UNC13B: variants seen among roughly 807,000 people sequenced by gnomAD.
The protein encoded by UNC13B is unc-13 homolog B, also known as protein unc-13 homolog B.
UNC13B carries 144 observed loss-of-function variants against 211.0 expected under a neutral mutation model. The observed-to-expected ratio is 0.68, with a 90% CI of 0.60 to 0.78. The LOEUF (loss-of-function observed/expected upper bound fraction) is 0.78, where lower values mean the gene tolerates loss of function less well. Ranked by LOEUF, UNC13B falls within the 30% of genes least tolerant of loss-of-function variation. The pLI is 0.00. For synonymous variants in UNC13B, 709 were observed against 725.8 expected (o/e 0.98, Z 0.37); for missense variants, 1,777 against 2,002.0 (o/e 0.89, Z 2.14).
rs180930223 is a variant in UNC13B, at chr9:35,261,738, C to T, written c.526+2688C>T. 9.9e-5 allele frequency among the ~76,000 whole-genome samples: 15 copies of T among 152,064 alleles called. No homozygotes were observed. The East Asian group carries it at 1.7e-3, about 18-fold the overall frequency. On this transcript the variant is annotated intron_variant, in intron 7 of 39. Coordinates refer to ENST00000635942, the MANE Select transcript of UNC13B (RefSeq NM_001371189.2). ...CTCATTCTAGATAACTATTTTTGTA[C>T]GCATTAACCGTCCCTAATCTCCTCT... is the stretch of plus-strand genomic sequence containing the variant.
At chr9:35,386,938 A>G (rs1270336267) in intron 24 of UNC13B, among the ~76,000 whole-genome samples, 1 of 152,162 alleles carries the variant, frequency 6.6e-6, no homozygotes, top group Admixed American at 6.5e-5. Context: ...ACTTACTTCT[A>G]GCTCCAATTA....
At position 35,304,531 on chromosome 9, in the gene UNC13B, A is replaced by C; in HGVS notation, c.5127A>C (p.Ser1709=). The part of the protein sequence containing the change: ...RDKNQPLAED[S]SVHLSSFHWL... ...AAAACCAGCCTCTAGCTGAAGATTC[A>C]TCAGTTCACCTTTCCAGTTTCCATT... The change falls in exon 9 of 40, where the codon TCA becomes TCC. Residue 1709 remains serine, a synonymous_variant. Coordinates refer to ENST00000635942, the MANE Select transcript of UNC13B (RefSeq NM_001371189.2). 2.5e-6 allele frequency: 1 copy of C among 398,774 alleles called. No individual in the cohort carries two copies. Among genetic ancestry groups the C allele is most frequent in the Non-Finnish European group, 4.4e-6 (1 of 225,914 alleles). The allele number at this position is 398,774 out of a possible 1,614,324, so 24.7% of individuals were successfully genotyped here.
intron 1 of UNC13B, among the ~76,000 whole-genome samples, chr9:35,168,202 G>T (rs1042825433): frequency 2.6e-5 from 4 of 152,144 alleles, no homozygotes; most frequent in Non-Finnish European, 4.4e-5. Context: ...ACAGGTGTGA[G>T]CCACTGCACC....
At chr9:35,241,586 CA>C (rs1825813939) in intron 5 of UNC13B, among the ~76,000 whole-genome samples, 2 of 146,900 alleles carry the variant, frequency 1.4e-5, no homozygotes, top group African/African-American at 4.9e-5. Context: ...CACACACACA[CA>C]CACACACACC....
chr9:35,353,702 A>C (rs1188792705), intron 11 of UNC13B: 1 of 1,232,080 alleles, frequency 8.1e-7, no homozygotes, highest in African/African-American at 1.6e-5. Context: ...CAACAAGTGC[A>C]TCAACAATTT....
At chr9:35,276,817 G>T (rs545151157) in intron 7 of UNC13B, among the ~76,000 whole-genome samples, 2 of 152,080 alleles carry the variant, frequency 1.3e-5, no homozygotes, top group East Asian at 1.9e-4. Context: ...TAATTATGCG[G>T]TGTCTTTCAA....
chr9:35,379,399 A>G (rs1834666115), intron 17 of UNC13B, among the ~76,000 whole-genome samples: 1 of 152,156 alleles, frequency 6.6e-6, no homozygotes, highest in Non-Finnish European at 1.5e-5. Flanking sequence ...CAGTGCACCA[A>G]GATCATGCCA....
At chr9:35,337,189 C>T (rs1489397657) in intron 11 of UNC13B, among the ~76,000 whole-genome samples, 3 of 151,556 alleles carry the variant, frequency 2.0e-5, no homozygotes, top group South Asian at 2.1e-4. Context: ...TTGTGCATCA[C>T]GGATCAAGGG....
At chr9:35,389,525 C>T (rs899565644) in intron 24 of UNC13B, among the ~76,000 whole-genome samples, 21 of 152,266 alleles carry the variant, frequency 1.4e-4, no homozygotes, top group African/African-American at 4.8e-4. Context: ...GCTGGAGGGG[C>T]TGTTTCCTTT....
Position 35,396,597 on chromosome 9 carries a change from C to T in UNC13B, c.11430C>T (p.Tyr3810=), listed in dbSNP as rs1468373516. ...TCCTCCAGGGGCAGGTGCCTGAGTA[C>T]CCAGCGTGAGTCATCATGTGGGCAC... ...LPVLQGQVPE[Y]PAWFEQFVLQ... is the part of the protein sequence containing the mutation. The change falls in exon 27 of 40, where the codon TAC becomes TAT. Residue 3810 remains tyrosine (Y), a synonymous_variant. Transcript: ENST00000635942. 3.1e-6 allele frequency: 5 copies of T among 1,613,910 alleles called. No homozygotes were observed. Among genetic ancestry groups the T allele is most frequent in the Non-Finnish European group, 3.4e-6 (4 of 1,179,986 alleles).
Position 35,303,280 on chromosome 9 carries a change from T to C in UNC13B, c.3876T>C (p.Leu1292=), listed in dbSNP as rs1254188965. 8 of 398,360 alleles carry C rather than the reference T, an allele frequency of 2.0e-5. No homozygotes were observed. The East Asian group carries it at 2.8e-4, about 14-fold the overall frequency. The allele number at this position is 398,360 out of a possible 1,614,324, so 24.7% of individuals were successfully genotyped here. A position where few individuals can be genotyped will look rare whatever the true frequency, so the allele number is the denominator to read the frequency against. Residue 1292 remains leucine, a synonymous_variant, in exon 9 of 40, where the codon CTT becomes CTC. Coordinates refer to ENST00000635942, the MANE Select transcript of UNC13B (RefSeq NM_001371189.2). The stretch of plus-strand genomic sequence containing the variant: ...ACCCCTCCTCTGAGAACATTGTACT[T>C]CACTGTGCTCCAAGTGCTCAGCTAG... The part of the protein sequence containing the change: ...KHHPSSENIV[L]HCAPSAQLGF...
intron 7 of UNC13B, among the ~76,000 whole-genome samples, chr9:35,265,515 A>C (rs1345520159): frequency 1.3e-5 from 2 of 152,246 alleles, no homozygotes; most frequent in African/African-American, 2.4e-5. Flanking sequence ...CAGCCTGAGC[A>C]GATGTATACA....
At chr9:35,370,491 A>G (rs1834049470) in intron 13 of UNC13B, 95 bp downstream of exon 13, 1 of 1,149,548 alleles carries the variant, frequency 8.7e-7, no homozygotes. Flanking sequence ...CGTCCATTTA[A>G]TGACTCAAAT....
rs1167038071 is a variant in UNC13B, at chr9:35,405,203, A to C, written c.*1170A>C. 1 of 152,556 alleles carries C rather than the reference A, an allele frequency of 6.6e-6. No homozygotes were observed. Among genetic ancestry groups the C allele is most frequent in the Admixed American group, 6.6e-5 (1 of 15,264 alleles). 9.5% of individuals were successfully genotyped at this position (152,556 alleles called of 1,614,324 possible). A position where few individuals can be genotyped will look rare whatever the true frequency, so the allele number is the denominator to read the frequency against. On this transcript the variant is annotated 3_prime_UTR_variant, in exon 40 of 40. Transcript: ENST00000635942. ...TAGCAGCCTCCTGGACTTCCTGAGG[A>C]CTCGACATTGTCCACAGATGTACTG...
At chr9:35,399,778 G>A in intron 36 of UNC13B, 49 bp downstream of exon 36, 1 of 1,590,382 alleles carries the variant, frequency 6.3e-7, no homozygotes, top group Non-Finnish European at 8.6e-7. Context: ...CACTCACTTG[G>A]CCCTGGCATT....
At chr9:35,314,063 C>G in intron 11 of UNC13B, 74 bp downstream of exon 11, 1 of 1,189,012 alleles carries the variant, frequency 8.4e-7, no homozygotes, top group Non-Finnish European at 1.3e-6. Context: ...GCTGGAGAAG[C>G]AATCAGTGAT....
chr9:35,282,291 T>C lies in UNC13B; in HGVS notation c.527-13405T>C, dbSNP rs953247511. On this transcript the variant is annotated intron_variant, in intron 7 of 39. Transcript: ENST00000635942. ...CCCCCTCTTCCCTAAAAGTACCTAC[T>C]ATCCCAACTTTTATAATAATTACTC... Among the ~76,000 whole-genome samples, 16 of 152,202 alleles carry C rather than the reference T, an allele frequency of 1.1e-4. 1 individual carries two copies. Among genetic ancestry groups the C allele is most frequent in the Non-Finnish European group, 1.3e-4 (9 of 68,032 alleles).
rs140384563 is a variant in UNC13B, at chr9:35,171,782, G to A, written c.22+9477G>A. Among the ~76,000 whole-genome samples the A allele has an allele frequency of 9.5e-3, 1,446 of 152,178 alleles. 7 individuals are homozygous for A. The highest frequency in any genetic ancestry group is 0.016 in the Non-Finnish European group (1,061 of 68,018). The stretch of plus-strand genomic sequence containing the variant: ...TGTGGCAGTTAGTTCATTGATTTTC[G>A]TTGCTATGTAGTATCTTGTTAGATG... On this transcript the variant is annotated intron_variant, in intron 1 of 39. Transcript: ENST00000635942.
Position 35,396,456 on chromosome 9 carries a change from AC to A in UNC13B, c.11309-18del, listed in dbSNP as rs775013929. The A allele has an allele frequency of 8.1e-6, 13 of 1,613,828 alleles. No individual in the cohort carries two copies. Among genetic ancestry groups the A allele is most frequent in the Non-Finnish European group, 9.3e-6 (11 of 1,179,956 alleles). On this transcript the variant is annotated intron_variant, in intron 26 of 39. Transcript: ENST00000635942. ...GCCTCTACTGCTGGGACCTGACCCAACCTTTCTCCCTACCACTAGAGCATGA... is the reference window on the plus strand; with the variant it reads ...GCCTCTACTGCTGGGACCTGACCCAACTTTCTCCCTACCACTAGAGCATGA...
Sources: gnomAD v4.1 joint callset for allele counts (sites outside exome capture counted in the v4.1 genomes callset) on GRCh38, gnomAD v4.1.1 for gene constraint, MANE v1.5 for transcripts, NCBI Gene and HGNC (gene_info 2026-07-23, HGNC 2026-07-21) for gene names.